Variants in EPHA3 observed in about 807,000 individuals in gnomAD.
The protein encoded by EPHA3 is EPH receptor A3, also known as ephrin type-A receptor 3.
Under a neutral mutation model 107.1 loss-of-function variants are expected in EPHA3, and 42 were observed. The observed-to-expected ratio is 0.39, with a 90% CI of 0.31 to 0.51. The LOEUF is 0.51. Among genes scored for constraint, EPHA3 ranks in the 20% least tolerant of loss-of-function variants. EPHA3 has a pLI of 0.78. For synonymous variants in EPHA3, 461 were observed against 424.8 expected (o/e 1.09, Z -1.05); for missense variants, 1,183 against 1,211.2 (o/e 0.98, Z 0.35).
intron 10 of EPHA3, among the ~76,000 whole-genome samples, chr3:89,418,620 T>C (rs1267554716): frequency 1.3e-5 from 2 of 151,436 alleles, no homozygotes; most frequent in African/African-American, 4.8e-5. Flanking sequence ...GCATGTTGTT[T>C]TTATTTGATA....
intron 5 of EPHA3, among the ~76,000 whole-genome samples, chr3:89,379,572 TG>T (rs141056184): frequency 0.016 from 2,422 of 152,302 alleles, 65 homozygotes; most frequent in African/African-American, 0.055. Flanking sequence ...AATTGTCAAG[TG>T]CATTTCACTT....
chr3:89,449,945 A>G (rs551977463), intron 14 of EPHA3, among the ~76,000 whole-genome samples: 2 of 152,256 alleles, frequency 1.3e-5, no homozygotes, highest in African/African-American at 4.8e-5. Flanking sequence ...AAGGATCTTT[A>G]CATACTCTTT....
intron 2 of EPHA3, among the ~76,000 whole-genome samples, chr3:89,209,619 T>C (rs1387427866): frequency 6.6e-6 from 1 of 152,196 alleles, no homozygotes; most frequent in Non-Finnish European, 1.5e-5. Flanking sequence ...CTCTATTAAC[T>C]GCTAAGTGTC....
intron 3 of EPHA3, among the ~76,000 whole-genome samples, chr3:89,263,762 T>A (rs925260983): frequency 6.6e-6 from 1 of 152,108 alleles, no homozygotes; most frequent in African/African-American, 2.4e-5. Context: ...AAAGACAGCA[T>A]TCAAGCAGGA....
chr3:89,429,978 G>A (rs1709535103), intron 12 of EPHA3, among the ~76,000 whole-genome samples: 1 of 152,058 alleles, frequency 6.6e-6, no homozygotes, highest in South Asian at 2.1e-4. Flanking sequence ...TGGCCAGGCT[G>A]GTTTAGAACC....
chr3:89,318,643 C>A (rs1377859667), intron 3 of EPHA3, among the ~76,000 whole-genome samples: 1 of 151,862 alleles, frequency 6.6e-6, no homozygotes, highest in Non-Finnish European at 1.5e-5. Flanking sequence ...AAATGCATTT[C>A]ATTTCCAAAC....
At chr3:89,122,610 C>T (rs1707415334) in intron 1 of EPHA3, among the ~76,000 whole-genome samples, 2 of 152,168 alleles carry the variant, frequency 1.3e-5, no homozygotes, top group Non-Finnish European at 2.9e-5. Flanking sequence ...ACTTAAAAAT[C>T]TTTCAAGGTG....
chr3:89,118,736 T>G (rs1707311703), intron 1 of EPHA3, among the ~76,000 whole-genome samples: 2 of 151,986 alleles, frequency 1.3e-5, no homozygotes, highest in Admixed American at 6.6e-5. Context: ...CAAACAGTAC[T>G]TATCTGAGGA....
intron 2 of EPHA3, among the ~76,000 whole-genome samples, chr3:89,182,985 C>T (rs975708405): frequency 2.0e-5 from 3 of 151,852 alleles, no homozygotes; most frequent in African/African-American, 7.2e-5. Context: ...GACATTGAAA[C>T]TTGTCAGAAT....
At chr3:89,323,826 T>C (rs1430918206) in intron 3 of EPHA3, among the ~76,000 whole-genome samples, 1 of 152,148 alleles carries the variant, frequency 6.6e-6, no homozygotes, top group Non-Finnish European at 1.5e-5. Context: ...TATGTATTTC[T>C]AGATCACTTT....
chr3:89,361,618 G>A (rs985618100), intron 5 of EPHA3, among the ~76,000 whole-genome samples: 1 of 151,052 alleles, frequency 6.6e-6, no homozygotes, highest in South Asian at 2.1e-4. Context: ...TTAGTCTAGG[G>A]AATACTGAAA....
chr3:89,163,402 G>A (rs1314776642), intron 2 of EPHA3, among the ~76,000 whole-genome samples: 1 of 152,028 alleles, frequency 6.6e-6, no homozygotes, highest in Non-Finnish European at 1.5e-5. Context: ...GAACAATAAG[G>A]AAATAAGAAA....
rs146845101 is a variant in EPHA3 at position 89,250,280 on chromosome 3, A to G, written c.814+39760A>G. Among the ~76,000 whole-genome samples, 1,367 of 152,292 alleles carry G rather than the reference A, an allele frequency of 9.0e-3. 14 individuals are homozygous for G. The highest frequency in any genetic ancestry group is 0.012 in the Non-Finnish European group (812 of 68,014). On this transcript the variant is annotated intron_variant, in intron 3 of 16. Coordinates refer to ENST00000336596, the MANE Select transcript of EPHA3 (RefSeq NM_005233.6). ...TTTATTTCTTGAGTGGAATCATGGA[A>G]ACTTTATCAACAAATATGCCTATGC...
intron 12 of EPHA3, among the ~76,000 whole-genome samples, chr3:89,429,515 A>G (rs1415829454): frequency 6.6e-6 from 1 of 152,168 alleles, no homozygotes; most frequent in Non-Finnish European, 1.5e-5. Context: ...TCTCAGTCTG[A>G]TATAATTATT....
intron 7 of EPHA3, chr3:89,400,195 T>A: frequency 5.8e-6 from 1 of 172,120 alleles, no homozygotes; most frequent in Non-Finnish European, 8.0e-6. Context: ...TTTCTTTCTT[T>A]TTTTTTTTTT....
intron 15 of EPHA3, among the ~76,000 whole-genome samples, chr3:89,460,823 C>CTCTCTTTTTTTTTTTT (rs1199238290): frequency 9.7e-6 from 1 of 103,032 alleles, no homozygotes; most frequent in Non-Finnish European, 2.1e-5. Context: ...CTCTGTCTCT[C>CTCTCTTTTTTTTTTTT]TTTTTTTTTT....
At chr3:89,219,786 G>A (rs1188357394) in intron 3 of EPHA3, among the ~76,000 whole-genome samples, 10 of 126,948 alleles carry the variant, frequency 7.9e-5, no homozygotes, top group African/African-American at 3.0e-4. Context: ...TCGGCTCACT[G>A]CAAGCTCCAC....
At chr3:89,430,120 A>G (rs181451239) in intron 12 of EPHA3, among the ~76,000 whole-genome samples, 1 of 152,302 alleles carries the variant, frequency 6.6e-6, no homozygotes, top group African/African-American at 2.4e-5. Flanking sequence ...ATTTACATCT[A>G]TTTCAACAAA....
intron 2 of EPHA3, among the ~76,000 whole-genome samples, chr3:89,188,816 C>A (rs1339685704): frequency 6.6e-6 from 1 of 152,164 alleles, no homozygotes; most frequent in Non-Finnish European, 1.5e-5. Flanking sequence ...TGATCCTTGA[C>A]CACTGTGTCC....
Sources: gnomAD v4.1 joint callset for allele counts (sites outside exome capture counted in the v4.1 genomes callset) on GRCh38, gnomAD v4.1.1 for gene constraint, MANE v1.5 for transcripts, NCBI Gene and HGNC (gene_info 2026-07-23, HGNC 2026-07-21) for gene names.